Variants in PCDHA4 observed in about 807,000 individuals in gnomAD.
PCDHA4 encodes protocadherin alpha-4.
Under a neutral mutation model 61.4 loss-of-function variants are expected in PCDHA4, and 49 were observed. The observed-to-expected ratio is 0.80, with a 90% confidence interval of 0.63 to 1.01. The LOEUF is 1.01. Ranked by LOEUF, PCDHA4 falls within the 50% of genes least tolerant of loss-of-function variation. The pLI, the probability that PCDHA4 is intolerant of heterozygous loss-of-function variation, is 0.00. For missense variants in PCDHA4, 1,254 were observed against 1,235.8 expected, an observed-to-expected ratio of 1.01 and a Z score of -0.22; for synonymous variants, 590 against 550.3, an observed-to-expected ratio of 1.07 and a Z score of -1.01.
intron 1 of PCDHA4, chr5:140,870,140 C>G: frequency 6.2e-7 from 1 of 1,614,040 alleles, no homozygotes; most frequent in Non-Finnish European, 8.5e-7. Flanking sequence ...AACGATAACT[C>G]TCCTGAAGTC....
intron 2 of PCDHA4, 38 bp from the exon 3 acceptor site, chr5:140,982,437 A>G: frequency 6.2e-7 from 1 of 1,613,390 alleles, no homozygotes; most frequent in East Asian, 2.2e-5. Flanking sequence ...GAAAGAATTT[A>G]TGATCTAACC....
chr5:140,871,433 T>C (rs2053076165), intron 1 of PCDHA4: 3 of 1,612,290 alleles, frequency 1.9e-6, no homozygotes, highest in Non-Finnish European at 2.5e-6. Flanking sequence ...AGTCTTCCTC[T>C]AGGTCTGAAT....
At chr5:140,910,099 T>G (rs1554194123) in intron 1 of PCDHA4, among the ~76,000 whole-genome samples, 1 of 152,230 alleles carries the variant, frequency 6.6e-6, no homozygotes, top group African/African-American at 2.4e-5. Context: ...CAGCCTCCCC[T>G]TCATTTAAGG....
intron 1 of PCDHA4, chr5:140,813,173 T>C (rs1377000127): frequency 6.6e-6 from 1 of 152,212 alleles, no homozygotes; most frequent in Non-Finnish European, 1.5e-5. Flanking sequence ...ATAGTGTTGT[T>C]CAAGTCCTCT....
At chr5:140,967,060 G>T in intron 1 of PCDHA4, 1 of 1,612,802 alleles carries the variant, frequency 6.2e-7, no homozygotes, top group Non-Finnish European at 8.5e-7. Flanking sequence ...CGAGTGGAGC[G>T]CTCTTCGTCA....
At chr5:140,884,487 T>G (rs374963144) in intron 1 of PCDHA4, 3 of 1,613,832 alleles carry the variant, frequency 1.9e-6, no homozygotes, top group Non-Finnish European at 1.7e-6. Flanking sequence ...CCCACTCTAG[T>G]GTGCTCCAGC....
In PCDHA4 at chr5:140,843,327, T is replaced by C. The variant is rs2150357538; in HGVS notation, c.2385+33755T>C. On this transcript the variant is annotated intron_variant, in intron 1 of 3. Coordinates refer to ENST00000530339, the MANE Select transcript of PCDHA4 (RefSeq NM_018907.4). ...GCCACGGCCACGGTTCTGGTGTCGC[T>C]GGTGGAGAGCGGCCAGGCTCCAAAA... 16 of 1,595,936 alleles carry C rather than the reference T, an allele frequency of 1.0e-5. No individual in the cohort carries two copies. In the South Asian group the frequency reaches 1.5e-4, roughly 15 times the overall value.
chr5:140,860,505 A>T (rs2046425472), intron 1 of PCDHA4: 1 of 152,218 alleles, frequency 6.6e-6, no homozygotes, highest in African/African-American at 2.4e-5. Flanking sequence ...TACATACAAG[A>T]TAAAACTCTT....
chr5:140,972,589 T>C (rs1258846206), intron 1 of PCDHA4, among the ~76,000 whole-genome samples: 2 of 152,074 alleles, frequency 1.3e-5, no homozygotes, highest in Non-Finnish European at 2.9e-5. Flanking sequence ...AGAATTTCTC[T>C]TTGGAAATTT....
intron 3 of PCDHA4, among the ~76,000 whole-genome samples, chr5:140,993,767 G>T (rs115607244): frequency 1.3e-5 from 2 of 152,010 alleles, no homozygotes; most frequent in African/African-American, 4.8e-5. Flanking sequence ...TTACAATTGC[G>T]CAGTATTTTG....
At chr5:140,925,092 AGGAAGGAAGGAAGGAG>A (rs1190692996) in intron 1 of PCDHA4, among the ~76,000 whole-genome samples, 1 of 151,410 alleles carries the variant, frequency 6.6e-6, no homozygotes, top group Non-Finnish European at 1.5e-5. Flanking sequence ...AAAGGAAGGA[AGGAAGGAAGGAAGGAG>A]GGAAGGAAGG....
chr5:140,842,319 A>G (rs1777874490), intron 1 of PCDHA4: 10 of 1,608,046 alleles, frequency 6.2e-6, no homozygotes, highest in Non-Finnish European at 8.5e-6. Context: ...ATGGCGGGTC[A>G]TTGCACCGTT....
At chr5:140,834,506 T>A in intron 1 of PCDHA4, 1 of 1,614,072 alleles carries the variant, frequency 6.2e-7, no homozygotes, top group Non-Finnish European at 8.5e-7. Flanking sequence ...AGGCTAAACA[T>A]GGCAACTTCG....
Position 140,848,429 on chromosome 5 carries a change from G to A in PCDHA4, c.2385+38857G>A. Reference sequence around the variant, plus strand: ...GCGAACACAGCAGAATGGGACTGACGAAATCAGATGATTTCTTCTAATTTG... The same window carrying A: ...GCGAACACAGCAGAATGGGACTGACAAAATCAGATGATTTCTTCTAATTTG... On this transcript the variant is annotated intron_variant, in intron 1 of 3. Transcript: ENST00000530339. 4.1e-6 allele frequency: 6 copies of A among 1,456,724 alleles called. 1 individual carries two copies. Among genetic ancestry groups the A allele is most frequent in the South Asian group, 1.3e-5 (1 of 77,796 alleles). The allele number at this position is 1,456,724 out of a possible 1,614,324, so 90.2% of individuals were successfully genotyped here.
chr5:140,995,353 G>A lies in PCDHA4; in HGVS notation c.2533+12790G>A, dbSNP rs922727759. 8.5e-5 allele frequency among the ~76,000 whole-genome samples: 13 copies of A among 152,138 alleles called. 1 individual carries two copies. The highest frequency in any genetic ancestry group is 4.2e-4 in the South Asian group (2 of 4,804). ...GTAGTGTAGACGGCATGGATAGGTC[G>A]GACAGAGGGATGATTCACGTACTGG... On this transcript the variant is annotated intron_variant, in intron 3 of 3. Transcript: ENST00000530339.
rs2150466596 is a variant in PCDHA4 at position 140,850,091 on chromosome 5, G to A, written c.2385+40519G>A. 5 of 1,596,604 alleles carry A rather than the reference G, an allele frequency of 3.1e-6. No individual in the cohort carries two copies. In the African/African-American group the frequency reaches 5.4e-5, roughly 17 times the overall value. On this transcript the variant is annotated intron_variant, in intron 1 of 3. Coordinates refer to ENST00000530339, the MANE Select transcript of PCDHA4 (RefSeq NM_018907.4). ...ACCACGAGGAGCTGGAGCTGCTACA[G>A]TTCCAGGTGAGCGCGCGCGACGCGG...
chr5:140,962,791 T>G (rs998586099), intron 1 of PCDHA4, among the ~76,000 whole-genome samples: 19 of 152,252 alleles, frequency 1.2e-4, no homozygotes, highest in Admixed American at 1.1e-3. Context: ...TAAAAACTAC[T>G]TTGGACAACT....
At chr5:140,860,712 GA>G (rs1321036052) in intron 1 of PCDHA4, 1 of 152,188 alleles carries the variant, frequency 6.6e-6, no homozygotes, top group African/African-American at 2.4e-5. Flanking sequence ...TGTTCTCCAT[GA>G]AAAGTTTTTT....
rs114961630 is a variant in PCDHA4 at position 140,926,715 on chromosome 5, G to A, written c.2386-52234G>A. 1,110 of 952,350 alleles carry A rather than the reference G, an allele frequency of 1.2e-3. 9 individuals carry two copies. The African/African-American group carries it at 0.017, about 15-fold the overall frequency. The allele number at this position is 952,350 out of a possible 1,614,324, so 59.0% of individuals were successfully genotyped here. A position where few individuals can be genotyped will look rare whatever the true frequency, so the allele number is the denominator to read the frequency against. On this transcript the variant is annotated intron_variant, in intron 1 of 3. Transcript: ENST00000530339. ...GCCCGGCTCCCAGCTGGCCAGCCCC[G>A]GCAATGCCGGCGTTCGGGAGGCGCA... is the stretch of plus-strand genomic sequence containing the variant.
Sources: gnomAD v4.1 joint callset for allele counts (sites outside exome capture counted in the v4.1 genomes callset) on GRCh38, gnomAD v4.1.1 for gene constraint, MANE v1.5 for transcripts, NCBI Gene and HGNC (gene_info 2026-07-23, HGNC 2026-07-21) for gene names.